Variants in DIP2C observed in about 807,000 individuals in gnomAD.
DIP2C encodes the protein disco-interacting protein 2 homolog C.
A neutral mutation model predicts 192.4 loss-of-function variants in DIP2C; 33 were observed. That is an observed-to-expected ratio of 0.17 (90% CI 0.13 to 0.23). DIP2C has a LOEUF of 0.23. Among genes scored for constraint, DIP2C ranks in the 10% least tolerant of loss-of-function variants. The pLI is 1.00. For missense variants in DIP2C, 1,537 were observed against 2,110.1 expected, an observed-to-expected ratio of 0.73 and a Z score of 5.32; for synonymous variants, 979 against 864.1, an observed-to-expected ratio of 1.13 and a Z score of -2.33.
chr10:344,733 G>GCCAGCACGTGACCTGCCACCT, intron 28 of DIP2C, 76 bp downstream of exon 28: 1 of 1,251,682 alleles, frequency 8.0e-7, no homozygotes, highest in East Asian at 2.5e-5. Flanking sequence ...GGCGCTGAGA[G>GCCAGCACGTGACCTGCCACCT]CCAGCACGTG....
At chr10:319,212 T>A (rs1956901938) in intron 31 of DIP2C, among the ~76,000 whole-genome samples, 1 of 152,148 alleles carries the variant, frequency 6.6e-6, no homozygotes. Flanking sequence ...CGCGCCTGGC[T>A]CACTTCTTTC....
At chr10:459,253 CAA>C (rs936113436) in intron 3 of DIP2C, among the ~76,000 whole-genome samples, 5 of 151,746 alleles carry the variant, frequency 3.3e-5, no homozygotes, top group Admixed American at 2.0e-4. Context: ...ACTCAGGAGA[CAA>C]AGAGTCAACA....
Position 366,250 on chromosome 10 carries a change from C to T in DIP2C, c.2268+25G>A, listed in dbSNP as rs777514868. On this transcript the variant is annotated intron_variant, in intron 19 of 36. Transcript: ENST00000280886. Reference sequence around the variant, plus strand: ...TGGAGACGGAGCCACAGATGGTGCCCATGGTAAGACTCTCCTCCACCTACC... The same window carrying T: ...TGGAGACGGAGCCACAGATGGTGCCTATGGTAAGACTCTCCTCCACCTACC... 13 of 1,609,588 alleles carry T rather than the reference C, an allele frequency of 8.1e-6. No individual in the cohort carries two copies. The South Asian group carries it at 1.2e-4, about 15-fold the overall frequency.
chr10:624,622 C>T (rs1411190837), intron 1 of DIP2C, among the ~76,000 whole-genome samples: 4 of 152,288 alleles, frequency 2.6e-5, no homozygotes, highest in Admixed American at 6.5e-5. Flanking sequence ...CTCTCCAGGG[C>T]GGGCTCCAAA....
At chr10:610,937 C>T (rs545231001) in intron 1 of DIP2C, among the ~76,000 whole-genome samples, 1 of 141,960 alleles carries the variant, frequency 7.0e-6, no homozygotes, top group African/African-American at 2.7e-5. Context: ...GGTTTCTAAC[C>T]CCCCCGTGTT....
chr10:516,082 C>A (rs977221687), intron 1 of DIP2C, among the ~76,000 whole-genome samples: 1 of 150,770 alleles, frequency 6.6e-6, no homozygotes, highest in Non-Finnish European at 1.5e-5. Context: ...CGAGAGGAAA[C>A]GAGGGGGTTT....
chr10:619,233 T>TA (rs1213238343), intron 1 of DIP2C, among the ~76,000 whole-genome samples: 3 of 152,226 alleles, frequency 2.0e-5, no homozygotes, highest in African/African-American at 4.8e-5. Flanking sequence ...GGGCTAGTTT[T>TA]ACTACTTCTC....
At chr10:533,451 A>G (rs1409961268) in intron 1 of DIP2C, among the ~76,000 whole-genome samples, 2 of 152,098 alleles carry the variant, frequency 1.3e-5, no homozygotes, top group African/African-American at 2.4e-5. Context: ...CTCAAGGACA[A>G]AGGTGCTCAA....
intron 1 of DIP2C, among the ~76,000 whole-genome samples, chr10:513,443 C>CT (rs1846155772): frequency 1.3e-5 from 2 of 152,248 alleles, no homozygotes; most frequent in Admixed American, 6.5e-5. Flanking sequence ...GCCCGCACCT[C>CT]TCATCCACCA....
At chr10:344,773 G>A (rs111946034) in intron 28 of DIP2C, 36 bp downstream of exon 28, 18 of 1,541,256 alleles carry the variant, frequency 1.2e-5, no homozygotes, top group Non-Finnish European at 1.6e-5. Context: ...CTCCGCAGTT[G>A]CCTCCATGGC....
intron 16 of DIP2C, among the ~76,000 whole-genome samples, chr10:383,801 CT>C (rs1962604183): frequency 6.6e-6 from 1 of 152,074 alleles, no homozygotes; most frequent in African/African-American, 2.4e-5. Context: ...AATGCCTGTC[CT>C]TATTATGCCA....
At chr10:374,581 T>G (rs1589644070) in intron 17 of DIP2C, among the ~76,000 whole-genome samples, 2 of 152,358 alleles carry the variant, frequency 1.3e-5, no homozygotes, top group South Asian at 2.1e-4. Context: ...TCAGAATCTG[T>G]GCATCTGACC....
At chr10:419,450 TCAG>T (rs2133144994) in intron 5 of DIP2C, among the ~76,000 whole-genome samples, 1 of 152,354 alleles carries the variant, frequency 6.6e-6, no homozygotes, top group South Asian at 2.1e-4. Flanking sequence ...GGGAGCCATG[TCAG>T]CAGCATTTTA....
intron 33 of DIP2C, among the ~76,000 whole-genome samples, chr10:287,563 A>G (rs920270881): frequency 1.3e-5 from 2 of 152,012 alleles, no homozygotes; most frequent in Non-Finnish European, 2.9e-5. Flanking sequence ...AACTCTGTGA[A>G]GCATTCTAAC....
At chr10:577,659 G>A (rs1461181953) in intron 1 of DIP2C, among the ~76,000 whole-genome samples, 1 of 152,126 alleles carries the variant, frequency 6.6e-6, no homozygotes, top group Non-Finnish European at 1.5e-5. Context: ...CTGCCTTCAA[G>A]GTGCTCAGAT....
chr10:328,979 C>T (rs192568501), intron 30 of DIP2C, among the ~76,000 whole-genome samples: 2 of 152,186 alleles, frequency 1.3e-5, no homozygotes, highest in African/African-American at 2.4e-5. Flanking sequence ...ACACTGTTAA[C>T]TGAACTGTAA....
At chr10:424,646 G>A (rs1419198110) in intron 4 of DIP2C, among the ~76,000 whole-genome samples, 1 of 152,132 alleles carries the variant, frequency 6.6e-6, no homozygotes, top group East Asian at 1.9e-4. Flanking sequence ...TTACAGGCCT[G>A]AGCCACCGCT....
chr10:591,749 G>T lies in DIP2C; in HGVS notation c.85+97745C>A, dbSNP rs548420040. On this transcript the variant is annotated intron_variant, in intron 1 of 36. Coordinates refer to ENST00000280886, the MANE Select transcript of DIP2C (RefSeq NM_014974.3). ...AAGGTAACCGAGACTCCAAATAAAAGCTCAAGGGACCAACACAAAGGTACC... is the reference window on the plus strand; with the variant it reads ...AAGGTAACCGAGACTCCAAATAAAATCTCAAGGGACCAACACAAAGGTACC... Among the ~76,000 whole-genome samples the T allele has an allele frequency of 7.9e-5, 12 of 152,218 alleles. No individual in the cohort carries two copies. In the South Asian group the frequency reaches 2.5e-3, roughly 32 times the overall value.
At chr10:285,481 G>C (rs1955063602) in intron 34 of DIP2C, among the ~76,000 whole-genome samples, 1 of 152,246 alleles carries the variant, frequency 6.6e-6, no homozygotes, top group African/African-American at 2.4e-5. Context: ...GGGGTAACCG[G>C]AGGGAGGGCA....
Sources: allele counts gnomAD v4.1 joint callset (sites outside exome capture counted in the v4.1 genomes callset), GRCh38; gene constraint gnomAD v4.1.1; transcripts MANE v1.5; gene names NCBI Gene and HGNC (gene_info 2026-07-23, HGNC 2026-07-21).